Variants in PALLD observed in about 807,000 individuals in gnomAD.
PALLD encodes palladin.
A neutral mutation model predicts 123.5 loss-of-function variants in PALLD; 61 were observed. The ratio of observed to expected loss-of-function variants is 0.49; its 90% CI spans 0.40 to 0.61. The LOEUF (loss-of-function observed/expected upper bound fraction) is 0.61. PALLD is among the 20% of genes least tolerant of loss of function. The pLI is 0.00. For synonymous variants in PALLD, 465 were observed against 496.4 expected (o/e 0.94, Z 0.84); for missense variants, 1,273 against 1,377.0 (o/e 0.92, Z 1.20).
chr4:168,602,866 A>G (rs1263627247), intron 2 of PALLD, among the ~76,000 whole-genome samples: 1 of 152,060 alleles, frequency 6.6e-6, no homozygotes, highest in African/African-American at 2.4e-5. Flanking sequence ...CCCAGGCTCA[A>G]GCAATCCTCC....
intron 10 of PALLD, among the ~76,000 whole-genome samples, chr4:168,866,367 A>G (rs1295697731): frequency 2.6e-5 from 4 of 151,834 alleles, no homozygotes; most frequent in Admixed American, 6.5e-5. Flanking sequence ...TCTACCACAA[A>G]CGTGTTCAAA....
At chr4:168,553,086 T>C (rs530055451) in intron 2 of PALLD, among the ~76,000 whole-genome samples, 48 of 152,294 alleles carry the variant, frequency 3.2e-4, no homozygotes, top group African/African-American at 9.9e-4. Flanking sequence ...TCTAGTGTCA[T>C]TGGCCCATTT....
intron 10 of PALLD, among the ~76,000 whole-genome samples, chr4:168,889,166 G>GTGTGTGTGTGTGTGT (rs567772815): frequency 7.2e-5 from 10 of 137,962 alleles, no homozygotes; most frequent in South Asian, 6.7e-4. Context: ...GTGTGTGTGT[G>GTGTGTGTGTGTGTGT]GTTTTTTTTT....
chr4:168,853,062 C>T (rs1748036056), intron 10 of PALLD, among the ~76,000 whole-genome samples: 1 of 152,112 alleles, frequency 6.6e-6, no homozygotes, highest in Admixed American at 6.6e-5. Flanking sequence ...ACAGAAGAAA[C>T]CACATTGCAG....
At chr4:168,535,783 C>T (rs954328240) in intron 2 of PALLD, among the ~76,000 whole-genome samples, 8 of 152,168 alleles carry the variant, frequency 5.3e-5, no homozygotes, top group Non-Finnish European at 1.5e-5. Flanking sequence ...ACTATAGCCA[C>T]CTCTACAAAT....
In PALLD at chr4:168,838,118, A is replaced by G. The variant is rs147518163; in HGVS notation, c.1965-52804A>G. Among the ~76,000 whole-genome samples the G allele has an allele frequency of 1.4e-4, 21 of 152,328 alleles. No homozygotes were observed. The East Asian group carries it at 2.9e-3, about 21-fold the overall frequency. On this transcript the variant is annotated intron_variant, in intron 10 of 21. Coordinates refer to ENST00000505667, the MANE Select transcript of PALLD (RefSeq NM_001166108.2). ...TGTCGTAACACCAAATGTTGAGTAC[A>G]TGTCACCCTCATCAGTCACTGCTTC...
At chr4:168,813,847 T>C (rs1581606068) in intron 10 of PALLD, among the ~76,000 whole-genome samples, 1 of 106,372 alleles carries the variant, frequency 9.4e-6, no homozygotes, top group East Asian at 2.0e-4. Flanking sequence ...TTCATGAAGC[T>C]TTGGAAAGGC....
intron 10 of PALLD, among the ~76,000 whole-genome samples, chr4:168,786,063 C>T (rs899423653): frequency 4.0e-5 from 6 of 151,878 alleles, no homozygotes; most frequent in Non-Finnish European, 5.9e-5. Flanking sequence ...GGCGCAGTGG[C>T]TCATGCCTGT....
At chr4:168,591,755 A>T (rs1580465306) in intron 2 of PALLD, among the ~76,000 whole-genome samples, 1 of 152,158 alleles carries the variant, frequency 6.6e-6, no homozygotes, top group East Asian at 1.9e-4. Context: ...CTGAGATGTC[A>T]TTATATCTTC....
At chr4:168,718,346 G>A (rs996726503) in intron 10 of PALLD, among the ~76,000 whole-genome samples, 2 of 152,032 alleles carry the variant, frequency 1.3e-5, no homozygotes, top group African/African-American at 4.8e-5. Flanking sequence ...AAACAAGTTG[G>A]GACAAAATAA....
At chr4:168,747,532 G>A (rs1730484720) in intron 10 of PALLD, among the ~76,000 whole-genome samples, 1 of 152,162 alleles carries the variant, frequency 6.6e-6, no homozygotes, top group Admixed American at 6.5e-5. Context: ...CAGTATGTTT[G>A]AAACTACAGA....
Position 168,694,262 on chromosome 4 carries a change from CATCT to C in PALLD, c.1501+2971_1501+2974del, listed in dbSNP as rs368127193. ...AAGAAAAACAGACGTGACTACAATA[CATCT>C]GAGGCAAGAGATAAATTTTATAGGA... On this transcript the variant is annotated intron_variant, in intron 8 of 21. Coordinates refer to ENST00000505667, the MANE Select transcript of PALLD (RefSeq NM_001166108.2). 5.2e-3 allele frequency among the ~76,000 whole-genome samples: 791 copies of C among 152,304 alleles called. 7 individuals carry two copies. Among genetic ancestry groups the C allele is most frequent in the African/African-American group, 0.018 (735 of 41,554 alleles).
In PALLD at chr4:168,722,404, C is replaced by T. The variant is rs143721731; in HGVS notation, c.1964+10481C>T. Among the ~76,000 whole-genome samples the T allele has an allele frequency of 6.6e-5, 10 of 152,194 alleles. No individual in the cohort carries two copies. The East Asian group carries it at 1.3e-3, about 21-fold the overall frequency. On this transcript the variant is annotated intron_variant, in intron 10 of 21. Coordinates refer to ENST00000505667, the MANE Select transcript of PALLD (RefSeq NM_001166108.2). ...ACAGTATAATCCATACAAGGCCTTC[C>T]ACAGAAAGTAGGATGAAAACTTTAC...
intron 10 of PALLD, among the ~76,000 whole-genome samples, chr4:168,863,447 G>A (rs1472850346): frequency 6.6e-6 from 1 of 152,222 alleles, no homozygotes; most frequent in Non-Finnish European, 1.5e-5. Flanking sequence ...ATGTGAGCAT[G>A]CCCAGATCCA....
At chr4:168,540,158 G>A (rs911736822) in intron 2 of PALLD, among the ~76,000 whole-genome samples, 2 of 152,120 alleles carry the variant, frequency 1.3e-5, no homozygotes, top group African/African-American at 2.4e-5. Context: ...GAGCCCTAAC[G>A]ATTTTCTCAT....
At chr4:168,522,376 G>A (rs1475465079) in intron 2 of PALLD, among the ~76,000 whole-genome samples, 4 of 152,226 alleles carry the variant, frequency 2.6e-5, no homozygotes, top group African/African-American at 9.6e-5. Flanking sequence ...AAAAGGATGT[G>A]CTTTTCGGAA....
At chr4:168,777,229 G>C (rs1735288936) in intron 10 of PALLD, among the ~76,000 whole-genome samples, 1 of 152,154 alleles carries the variant, frequency 6.6e-6, no homozygotes, top group African/African-American at 2.4e-5. Context: ...AGGAGACTAA[G>C]CCTACTCAGT....
chr4:168,808,479 C>CA (rs1474384649), intron 10 of PALLD, among the ~76,000 whole-genome samples: 2 of 151,794 alleles, frequency 1.3e-5, no homozygotes, highest in Non-Finnish European at 2.9e-5. Flanking sequence ...GACTCCATCT[C>CA]AAAAAAACAA....
At position 168,871,475 on chromosome 4, in the gene PALLD, GA is replaced by G. The variant is rs954992000; in HGVS notation, c.1965-19437del. On this transcript the variant is annotated intron_variant, in intron 10 of 21. Transcript: ENST00000505667. ...GATCACTGATTTTGCTTCAAGCATTGAAAAAAAAAAGGTTGAAAAACAGATT... is the reference window on the plus strand; with the variant it reads ...GATCACTGATTTTGCTTCAAGCATTGAAAAAAAAAGGTTGAAAAACAGATT... 3.8e-3 allele frequency among the ~76,000 whole-genome samples: 548 copies of G among 144,328 alleles called. 4 individuals are homozygous for G. Among genetic ancestry groups the G allele is most frequent in the African/African-American group, 0.012 (485 of 39,338 alleles). 94.7% of individuals were successfully genotyped at this position (144,328 alleles called of 152,430 possible).
Sources: allele counts gnomAD v4.1 joint callset (sites outside exome capture counted in the v4.1 genomes callset), GRCh38; gene constraint gnomAD v4.1.1; transcripts MANE v1.5; gene names NCBI Gene and HGNC (gene_info 2026-07-23, HGNC 2026-07-21).